The following BBS7 variants were observed in gnomAD, a reference collection of about 807,000 sequenced individuals.
BBS7 encodes the protein BBSome complex member BBS7.
BBS7 carries 50 observed loss-of-function variants against 90.3 expected under a neutral mutation model. The observed-to-expected ratio is 0.55, with a 90% CI of 0.44 to 0.70. BBS7 has a LOEUF of 0.70. BBS7 is among the 30% of genes least tolerant of loss of function. The pLI is 0.00. For synonymous variants in BBS7, 235 were observed against 287.4 expected (o/e 0.82, Z 1.85); for missense variants, 729 against 838.9 (o/e 0.87, Z 1.62).
At chr4:121,853,472 C>G (rs1188018202) in intron 7 of BBS7, among the ~76,000 whole-genome samples, 1 of 151,978 alleles carries the variant, frequency 6.6e-6, no homozygotes, top group Non-Finnish European at 1.5e-5. Flanking sequence ...ATAAATTATT[C>G]TACCTAGCTG....
At chr4:121,841,669 C>T (rs6830453) in intron 12 of BBS7, among the ~76,000 whole-genome samples, 12,701 of 151,934 alleles carry the variant, frequency 0.084, 1,277 homozygotes, top group African/African-American at 0.24. Flanking sequence ...AACCTCCATA[C>T]GTTTTTTTAA....
At chr4:121,865,673 C>T (rs1363668593) in intron 2 of BBS7, among the ~76,000 whole-genome samples, 1 of 152,198 alleles carries the variant, frequency 6.6e-6, no homozygotes, top group East Asian at 1.9e-4. Flanking sequence ...TGCAATAAAA[C>T]ATGAGGCTGC....
At chr4:121,864,273 T>A (rs1727142626) in intron 2 of BBS7, among the ~76,000 whole-genome samples, 1 of 152,128 alleles carries the variant, frequency 6.6e-6, no homozygotes, top group Admixed American at 6.6e-5. Context: ...AAACAGAGAG[T>A]CACAATCATC....
At chr4:121,863,311 T>G (rs780898482) in intron 2 of BBS7, 32 bp from the exon 3 acceptor site, 46 of 1,507,644 alleles carry the variant, frequency 3.1e-5, no homozygotes, top group Non-Finnish European at 4.2e-5. Flanking sequence ...CTAAAATTAC[T>G]ATTATTAATA....
intron 15 of BBS7, among the ~76,000 whole-genome samples, chr4:121,830,326 GGGA>G (rs1372737146): frequency 6.6e-6 from 1 of 152,168 alleles, no homozygotes; most frequent in African/African-American, 2.4e-5. Flanking sequence ...ACTTGGGCCT[GGGA>G]GGAGGAGGTT....
intron 13 of BBS7, among the ~76,000 whole-genome samples, chr4:121,836,269 A>G (rs546828313): frequency 6.6e-6 from 1 of 152,236 alleles, no homozygotes; most frequent in South Asian, 2.1e-4. Flanking sequence ...TGGATATCAG[A>G]CATCTTTGCT....
At chr4:121,847,724 T>G (rs1216931037) in intron 9 of BBS7, among the ~76,000 whole-genome samples, 1 of 152,170 alleles carries the variant, frequency 6.6e-6, no homozygotes, top group Non-Finnish European at 1.5e-5. Context: ...GATATCATTT[T>G]TTTTTTGCCT....
intron 4 of BBS7, 62 bp from the exon 5 acceptor site, chr4:121,859,240 T>C (rs1238178366): frequency 6.3e-6 from 9 of 1,423,814 alleles, no homozygotes; most frequent in Non-Finnish European, 8.9e-6. Context: ...TTTTCAGAGA[T>C]AAAAACAGAA....
At chr4:121,839,569 A>G in intron 13 of BBS7, 62 bp downstream of exon 13, 1 of 1,275,342 alleles carries the variant, frequency 7.8e-7, no homozygotes, top group Non-Finnish European at 1.1e-6. Flanking sequence ...ATGTTGTAAG[A>G]CATACCAGCA....
chr4:121,839,648 T>C lies in BBS7; in HGVS notation c.1354A>G (p.Thr452Ala), dbSNP rs1725626883. The C allele has an allele frequency of 3.1e-6, 5 of 1,613,732 alleles. No individual in the cohort carries two copies. The highest frequency in any genetic ancestry group is 3.4e-6 in the Non-Finnish European group (4 of 1,179,658). ...LATYRCQADT[T>A]RLELKIRSIE... ...ATTTTTACCTTGAGTTCCAGCCTTG[T>C]AGTATCTGCCTGGCACCGATAAGTG... Residue 452 changes from threonine to alanine, a missense_variant, in exon 13 of 19, where the codon ACA (threonine) becomes GCA (alanine). By Grantham distance (58) the Thr-to-Ala change is moderately conservative. Transcript: ENST00000264499.
intron 13 of BBS7, 52 bp downstream of exon 13, chr4:121,839,579 A>G: frequency 7.3e-7 from 1 of 1,377,600 alleles, no homozygotes; most frequent in Admixed American, 1.7e-5. Context: ...ACATACCAGC[A>G]GGAAAAAGGA....
At chr4:121,851,400 A>G (rs1259109663) in intron 8 of BBS7, among the ~76,000 whole-genome samples, 1 of 146,528 alleles carries the variant, frequency 6.8e-6, no homozygotes, top group Non-Finnish European at 1.5e-5. Flanking sequence ...AAAAGAAAGG[A>G]AAAAAGGAAG....
At chr4:121,828,534 A>G in intron 16 of BBS7, 29 bp from the exon 17 acceptor site, 1 of 1,575,698 alleles carries the variant, frequency 6.3e-7, no homozygotes, top group Non-Finnish European at 8.7e-7. Flanking sequence ...ATGCAGTTAG[A>G]TAAATCACTT....
At chr4:121,869,590 G>A (rs1192570917) in intron 1 of BBS7, among the ~76,000 whole-genome samples, 2 of 152,170 alleles carry the variant, frequency 1.3e-5, no homozygotes, top group African/African-American at 2.4e-5. Flanking sequence ...CCCAGCTGGA[G>A]TGCAGTGGCA....
At chr4:121,849,772 G>A (rs1479836392) in intron 8 of BBS7, among the ~76,000 whole-genome samples, 1 of 152,196 alleles carries the variant, frequency 6.6e-6, no homozygotes, top group Non-Finnish European at 1.5e-5. Flanking sequence ...GGAGGTTGCA[G>A]TGAGCTGAGA....
chr4:121,857,192 T>C (rs1726724219), intron 5 of BBS7, among the ~76,000 whole-genome samples: 2 of 150,844 alleles, frequency 1.3e-5, no homozygotes, highest in African/African-American at 4.9e-5. Flanking sequence ...GGTGTGATCA[T>C]AGCTTACCGC....
chr4:121,841,958 T>C (rs1326538348), intron 12 of BBS7, among the ~76,000 whole-genome samples: 10 of 151,974 alleles, frequency 6.6e-5, no homozygotes, highest in African/African-American at 2.4e-4. Flanking sequence ...TATGAAGTTA[T>C]ATTGAAAAAC....
chr4:121,854,959 A>C (rs191650953), intron 6 of BBS7, 139 bp from the exon 7 acceptor site: 258 of 787,106 alleles, frequency 3.3e-4, no homozygotes, highest in Non-Finnish European at 4.5e-4. Flanking sequence ...GAATGGTTAT[A>C]TATTCACACA....
Position 121,862,220 on chromosome 4 carries a change from T to C in BBS7, c.166-541A>G, listed in dbSNP as rs540056944. On this transcript the variant is annotated intron_variant, in intron 3 of 18. Coordinates refer to ENST00000264499, the MANE Select transcript of BBS7 (RefSeq NM_176824.3). ...ATAGTTAAAGGACTATAGAATTTAC[T>C]GAAAATGTGAATGTATGACTTAATA... Among the ~76,000 whole-genome samples the C allele has an allele frequency of 8.5e-5, 13 of 152,346 alleles. No homozygotes were observed. The East Asian group carries it at 2.5e-3, about 29-fold the overall frequency.
Sources: allele counts gnomAD v4.1 joint callset (sites outside exome capture counted in the v4.1 genomes callset), GRCh38; gene constraint gnomAD v4.1.1; transcripts MANE v1.5; gene names NCBI Gene and HGNC (gene_info 2026-07-23, HGNC 2026-07-21).